LMLN: variants seen among roughly 807,000 people sequenced by gnomAD.
LMLN encodes leishmanolysin like peptidase.
A neutral mutation model predicts 92.3 loss-of-function variants in LMLN; 70 were observed. The observed-to-expected ratio is 0.76, with a 90% confidence interval of 0.63 to 0.92. LMLN has a LOEUF of 0.92. Ranked by LOEUF, LMLN falls within the 40% of genes least tolerant of loss-of-function variation. The pLI, the probability that LMLN is intolerant of heterozygous loss-of-function variation, is 0.00. For synonymous variants in LMLN, 308 were observed against 296.2 expected, an observed-to-expected ratio of 1.04 and a Z score of -0.41; for missense variants, 691 against 814.6, an observed-to-expected ratio of 0.85 and a Z score of 1.85.
At chr3:197,997,105 A>G (rs1444390487) in intron 10 of LMLN, among the ~76,000 whole-genome samples, 1 of 47,740 alleles carries the variant, frequency 2.1e-5, no homozygotes, top group Non-Finnish European at 4.5e-5. Context: ...CTTTCCTTTT[A>G]CTTTTCTTTT....
intron 1 of LMLN, among the ~76,000 whole-genome samples, chr3:197,964,876 G>A (rs901565013): frequency 4.6e-5 from 7 of 151,878 alleles, no homozygotes; most frequent in Admixed American, 6.6e-5. Context: ...GTATGGTGGC[G>A]GGCACTTTTA....
chr3:198,036,733 A>AT (rs1478917586), intron 15 of LMLN, among the ~76,000 whole-genome samples: 1 of 152,242 alleles, frequency 6.6e-6, no homozygotes, highest in Non-Finnish European at 1.5e-5. Context: ...ACTGAGGCTG[A>AT]TAATGCATTG....
At chr3:197,967,861 T>G (rs1305072135) in intron 1 of LMLN, among the ~76,000 whole-genome samples, 1 of 152,188 alleles carries the variant, frequency 6.6e-6, no homozygotes, top group Non-Finnish European at 1.5e-5. Flanking sequence ...TATTCATTGC[T>G]GGGAAAAGAA....
intron 11 of LMLN, among the ~76,000 whole-genome samples, chr3:198,000,115 C>T (rs369613597): frequency 1.6e-4 from 25 of 152,026 alleles, no homozygotes; most frequent in East Asian, 1.6e-3. Context: ...TGGTCCCAAA[C>T]GCCTGGGCTC....
Position 198,019,141 on chromosome 3 carries a change from A to G in LMLN, c.1233-112A>G, listed in dbSNP as rs1467601395. 1 of 1,035,746 alleles carries G rather than the reference A, an allele frequency of 9.7e-7. No individual in the cohort carries two copies. The highest frequency in any genetic ancestry group is 1.4e-6 in the Non-Finnish European group (1 of 718,552). The allele number at this position is 1,035,746 out of a possible 1,614,324, so 64.2% of individuals were successfully genotyped here. ...TTTCCAAGAATCCCATTTGTTAATT[A>G]TGAAGGTTTGTATTTTTAGGCCAGG... On this transcript the variant is annotated intron_variant, in intron 11 of 15. Coordinates refer to ENST00000330198, the Ensembl canonical transcript of LMLN. This position sits in a 1 kb window ranked among gnomAD's most constrained non-coding sequence, Gnocchi z 5.5.
exon 16 of LMLN, chr3:198,041,321 T>A (rs117640588): frequency 6.6e-6 from 1 of 152,324 alleles, no homozygotes; most frequent in East Asian, 1.9e-4. Context: ...GAATCCAAAT[T>A]GCTCCAAAAT....
In LMLN at chr3:198,019,716, ATAACT is replaced by A. The variant is rs1375713921; in HGVS notation, c.1365+335_1365+339del. 2.6e-5 allele frequency among the ~76,000 whole-genome samples: 4 copies of A among 152,238 alleles called. No homozygotes were observed. The highest frequency in any genetic ancestry group is 9.6e-5 in the African/African-American group (4 of 41,458). ...ACAGAAAAAGAAATCTTTAAAGAAA[ATAACT>A]TAAGTACTCCAATCCAGTTAATTAG... On this transcript the variant is annotated intron_variant, in intron 12 of 15. Coordinates refer to ENST00000330198, the Ensembl canonical transcript of LMLN. This position sits in a 1 kb window ranked among gnomAD's most constrained non-coding sequence, Gnocchi z 5.5.
At chr3:198,023,720 C>T (rs1248818957) in intron 13 of LMLN, among the ~76,000 whole-genome samples, 2 of 152,170 alleles carry the variant, frequency 1.3e-5, no homozygotes, top group Admixed American at 6.6e-5. Context: ...AATTACTGCT[C>T]GGGTTTAAGA....
chr3:198,007,425 T>G (rs1722325143), intron 11 of LMLN, among the ~76,000 whole-genome samples: 1 of 151,042 alleles, frequency 6.6e-6, no homozygotes, highest in Non-Finnish European at 1.5e-5. Flanking sequence ...CACCATTTGT[T>G]GAAAAGGCTA....
rs779866874 is a variant in LMLN at position 197,960,315 on chromosome 3, A to G, written c.94A>G (p.Ser32Gly). The change falls in exon 1 of 16, where the codon AGC (serine) becomes GGC (glycine). Residue 32 changes from serine (S) to glycine (G), a missense_variant. Transcript: ENST00000330198. ...CCCGGGCCGGAGCCGGTGGCGCTGG[A>G]GCGGGTCTGTGTGGGTCCGAAGCGT... is the stretch of plus-strand genomic sequence containing the variant. 4 of 1,613,704 alleles carry G rather than the reference A, an allele frequency of 2.5e-6. No homozygotes were observed. In the South Asian group the frequency reaches 4.4e-5, roughly 18 times the overall value.
At chr3:197,961,529 A>T (rs2109833690) in intron 1 of LMLN, among the ~76,000 whole-genome samples, 1 of 152,334 alleles carries the variant, frequency 6.6e-6, no homozygotes, top group Non-Finnish European at 1.5e-5. Flanking sequence ...TCTTTAAAAA[A>T]AATTTCCCAC....
intron 11 of LMLN, among the ~76,000 whole-genome samples, chr3:198,001,246 G>A (rs1453155545): frequency 6.6e-6 from 1 of 152,142 alleles, no homozygotes; most frequent in Non-Finnish European, 1.5e-5. Flanking sequence ...CATGAGAGCA[G>A]GTTCTGTTTA....
At chr3:198,013,839 C>T (rs1357185806) in intron 11 of LMLN, among the ~76,000 whole-genome samples, 1 of 142,218 alleles carries the variant, frequency 7.0e-6, no homozygotes, top group Non-Finnish European at 1.5e-5. Context: ...CTGTACCCTT[C>T]AGAGCCCCTT....
At chr3:197,994,059 T>C (rs1721953877) in intron 9 of LMLN, among the ~76,000 whole-genome samples, 1 of 152,168 alleles carries the variant, frequency 6.6e-6, no homozygotes, top group Non-Finnish European at 1.5e-5. Context: ...GAGAACTGGA[T>C]ATCCATATGC....
At chr3:197,972,132 T>G (rs184858421) in intron 1 of LMLN, among the ~76,000 whole-genome samples, 66 of 152,040 alleles carry the variant, frequency 4.3e-4, no homozygotes, top group Admixed American at 3.4e-3. Flanking sequence ...TGGTGCAGTC[T>G]TGGCTCACTG....
At chr3:197,975,749 T>C (rs1487131008) in intron 3 of LMLN, among the ~76,000 whole-genome samples, 1 of 152,144 alleles carries the variant, frequency 6.6e-6, no homozygotes, top group Non-Finnish European at 1.5e-5. Context: ...AAATAAAAAA[T>C]AGTTGAGATA....
chr3:198,035,531 T>G (rs553277728), intron 14 of LMLN, among the ~76,000 whole-genome samples: 4 of 151,756 alleles, frequency 2.6e-5, no homozygotes, highest in African/African-American at 7.3e-5. Context: ...CCCAGCTAGT[T>G]TTTGTATTTT....
intron 9 of LMLN, 74 bp downstream of exon 9, chr3:197,990,750 C>T (rs1331918991): frequency 2.9e-6 from 2 of 700,288 alleles, no homozygotes; most frequent in African/African-American, 2.0e-5. Context: ...CTTTACTCAT[C>T]ATTATTGTTT....
At chr3:197,986,237 GA>G (rs1397339312) in intron 8 of LMLN, among the ~76,000 whole-genome samples, 1 of 152,188 alleles carries the variant, frequency 6.6e-6, no homozygotes, top group African/African-American at 2.4e-5. Context: ...AAGGTGGGCT[GA>G]TTGCTTGAGC....
Sources: allele counts gnomAD v4.1 joint callset (sites outside exome capture counted in the v4.1 genomes callset), GRCh38; gene constraint gnomAD v4.1.1; non-coding constraint Gnocchi (gnomAD v3.1); transcripts MANE v1.5; gene names NCBI Gene and HGNC (gene_info 2026-07-23, HGNC 2026-07-21).